The following NTN1 variants were observed in gnomAD, a reference collection of about 807,000 sequenced individuals.
NTN1 encodes netrin 1.
A neutral mutation model predicts 54.2 loss-of-function variants in NTN1; 11 were observed. The observed-to-expected ratio is 0.20, with a 90% CI of 0.13 to 0.34. NTN1 has a LOEUF of 0.34. Among genes scored for constraint, NTN1 ranks in the 10% least tolerant of loss-of-function variants. The probability of loss-of-function intolerance (pLI) is 1.00; values close to 1 mark genes in which losing one functional copy is unlikely to be tolerated. For missense variants in NTN1, 740 were observed against 893.1 expected (o/e 0.83, Z 2.18); for synonymous variants, 371 against 382.0 (o/e 0.97, Z 0.33).
At chr17:9,130,067 G>A (rs1053786793) in intron 2 of NTN1, among the ~76,000 whole-genome samples, 1 of 152,152 alleles carries the variant, frequency 6.6e-6, no homozygotes, top group African/African-American at 2.4e-5. Flanking sequence ...GAAAGCCATC[G>A]AGGGCTTGCT....
intron 2 of NTN1, among the ~76,000 whole-genome samples, chr17:9,154,873 G>A (rs1406220192): frequency 6.6e-6 from 1 of 152,102 alleles, no homozygotes; most frequent in African/African-American, 2.4e-5. Context: ...ACAGGCCCCT[G>A]CGGTTGAACC....
chr17:9,068,529 A>T (rs1301807012), intron 2 of NTN1, among the ~76,000 whole-genome samples: 1 of 121,272 alleles, frequency 8.2e-6, no homozygotes, highest in Non-Finnish European at 1.8e-5. Flanking sequence ...TTTTTTTTTG[A>T]GATGGAGTTT....
intron 2 of NTN1, among the ~76,000 whole-genome samples, chr17:9,145,385 T>C (rs1423792031): frequency 6.6e-6 from 1 of 152,146 alleles, no homozygotes; most frequent in East Asian, 1.9e-4. Context: ...CCGGGCCCAG[T>C]GTGTATCTTA....
the NTN1 span, among the ~76,000 whole-genome samples, chr17:9,008,515 G>C: frequency 1.3e-5 from 2 of 151,618 alleles, no homozygotes; most frequent in Non-Finnish European, 2.9e-5. Context: ...TAGAGACAGG[G>C]TTTCACCGTG....
intron 2 of NTN1, among the ~76,000 whole-genome samples, chr17:9,086,446 A>G (rs2092090205): frequency 6.6e-6 from 1 of 152,190 alleles, no homozygotes; most frequent in Non-Finnish European, 1.5e-5. Flanking sequence ...TACAGTGGAG[A>G]GAACCATAGG....
intron 2 of NTN1, among the ~76,000 whole-genome samples, chr17:9,095,448 G>A (rs9902550): frequency 0.63 from 95,150 of 152,084 alleles, 30,314 homozygotes; most frequent in East Asian, 0.96. Flanking sequence ...TCTGATGTAA[G>A]GTAAAGAATC....
At chr17:9,144,005 C>A (rs1274348463) in intron 2 of NTN1, among the ~76,000 whole-genome samples, 1 of 151,962 alleles carries the variant, frequency 6.6e-6, no homozygotes, top group Non-Finnish European at 1.5e-5. Flanking sequence ...AAGCGATTCT[C>A]CTGCCTCAGC....
In NTN1 at chr17:9,023,226, T is replaced by G; in HGVS notation, c.853T>G (p.Cys285Gly). The G allele has an allele frequency of 6.4e-7, 1 of 1,565,686 alleles. No individual in the cohort carries two copies. The highest frequency in any genetic ancestry group is 8.7e-7 in the Non-Finnish European group (1 of 1,154,640). The change falls in exon 2 of 7, where the codon TGC becomes GGC. Residue 285 changes from cysteine to glycine, a missense_variant. Transcript: ENST00000173229. ...GTCCGACCTGCAGGTGGGCGGCCGG[T>G]GCAAGTGCAACGGCCACGCGGCCCG... ...AVSDLQVGGR[C>G]KCNGHAARCV...
chr17:9,176,208 T>G (rs1224465362), intron 3 of NTN1: 11 of 152,716 alleles, frequency 7.2e-5, no homozygotes, highest in African/African-American at 2.4e-5. Flanking sequence ...TCTGTGTGTG[T>G]GGCTTTGTGG....
chr17:9,110,755 A>G (rs1016291992), intron 2 of NTN1, among the ~76,000 whole-genome samples: 1 of 152,104 alleles, frequency 6.6e-6, no homozygotes, highest in African/African-American at 2.4e-5. Context: ...AATCTGCTAC[A>G]TGCCTGTCTC....
intron 5 of NTN1, among the ~76,000 whole-genome samples, chr17:9,218,957 A>G (rs1905271310): frequency 6.6e-6 from 1 of 150,770 alleles, no homozygotes; most frequent in Non-Finnish European, 1.5e-5. Context: ...ATTGAAGGCC[A>G]CCCCTGCAAG....
At chr17:9,198,316 G>C (rs1241683249) in intron 5 of NTN1, among the ~76,000 whole-genome samples, 1 of 152,214 alleles carries the variant, frequency 6.6e-6, no homozygotes, top group Non-Finnish European at 1.5e-5. Context: ...ACCTGCCCAA[G>C]TCAGTCAGCC....
chr17:9,046,592 G>A (rs2091942081), intron 2 of NTN1, among the ~76,000 whole-genome samples: 1 of 151,974 alleles, frequency 6.6e-6, no homozygotes, highest in Non-Finnish European at 1.5e-5. Flanking sequence ...TTCAAGACCA[G>A]CCTGGGCAAC....
At chr17:9,037,594 GC>G (rs1413963189) in intron 2 of NTN1, among the ~76,000 whole-genome samples, 2 of 152,054 alleles carry the variant, frequency 1.3e-5, no homozygotes, top group Non-Finnish European at 2.9e-5. Context: ...TATGTACTTG[GC>G]CTCTAAACCT....
Position 9,052,191 on chromosome 17 carries a change from G to A in NTN1, c.1018+28800G>A, listed in dbSNP as rs7207300. Among the ~76,000 whole-genome samples the A allele has an allele frequency of 7.0e-3, 1,069 of 152,076 alleles. 17 individuals are homozygous for A. The highest frequency in any genetic ancestry group is 0.024 in the African/African-American group (1,010 of 41,474). On this transcript the variant is annotated intron_variant, in intron 2 of 6. Transcript: ENST00000173229. ...TCTCCATGTTGGTCAGGCTGGTCCC[G>A]AACTTCTGACCTCAGGTGATCTGCC...
intron 5 of NTN1, among the ~76,000 whole-genome samples, chr17:9,217,854 C>CA (rs11354107): frequency 0.023 from 2,180 of 95,610 alleles, 31 homozygotes; most frequent in African/African-American, 0.057. Context: ...GGAAAGACAC[C>CA]AAAAAAAAAA....
At chr17:9,019,003 T>C (rs187445923), upstream of NTN1, among the ~76,000 whole-genome samples, 3 of 152,318 alleles carry the variant, frequency 2.0e-5, no homozygotes, top group African/African-American at 7.2e-5. Flanking sequence ...GAGCAGTAGG[T>C]CTGTTTTTAT....
At chr17:9,160,701 C>G (rs572437025) in intron 2 of NTN1, among the ~76,000 whole-genome samples, 1 of 152,200 alleles carries the variant, frequency 6.6e-6, no homozygotes, top group Admixed American at 6.5e-5. Flanking sequence ...GCCTGTAATC[C>G]CAGCACTTTG....
At chr17:9,120,720 G>A (rs1335854224) in intron 2 of NTN1, among the ~76,000 whole-genome samples, 5 of 152,152 alleles carry the variant, frequency 3.3e-5, no homozygotes, top group Admixed American at 1.3e-4. Context: ...GTTGGTGGGG[G>A]TCCCAGGGAG....
Sources: gnomAD v4.1 joint callset for allele counts (sites outside exome capture counted in the v4.1 genomes callset) on GRCh38, gnomAD v4.1.1 for gene constraint, MANE v1.5 for transcripts, NCBI Gene and HGNC (gene_info 2026-07-23, HGNC 2026-07-21) for gene names.